The following RXFP2 variants were observed in gnomAD, a reference collection of about 807,000 sequenced individuals.
The protein encoded by RXFP2 is relaxin receptor 2.
In RXFP2, 68 loss-of-function variants were observed where a neutral mutation model predicts 88.6. The observed-to-expected ratio is 0.77, with a 90% CI of 0.63 to 0.94. RXFP2 has a LOEUF of 0.94. RXFP2 is among the 40% of genes least tolerant of loss of function. RXFP2 has a pLI of 0.00. For missense variants in RXFP2, 791 were observed against 893.9 expected, an observed-to-expected ratio of 0.88 and a Z score of 1.47; for synonymous variants, 329 against 306.8, an observed-to-expected ratio of 1.07 and a Z score of -0.76.
At chr13:31,759,726 G>A (rs1174588487) in intron 2 of RXFP2, among the ~76,000 whole-genome samples, 1 of 152,140 alleles carries the variant, frequency 6.6e-6, no homozygotes, top group Non-Finnish European at 1.5e-5. Context: ...AAAGAATCCT[G>A]TGTGTTTTCT....
intron 5 of RXFP2, among the ~76,000 whole-genome samples, chr13:31,768,053 A>C (rs1204662048): frequency 1.3e-5 from 2 of 152,212 alleles, no homozygotes; most frequent in Non-Finnish European, 2.9e-5. Context: ...GAAGAGAAGA[A>C]TATAGAAGCA....
intron 16 of RXFP2, 88 bp downstream of exon 16, chr13:31,793,176 A>G: frequency 8.3e-7 from 1 of 1,201,620 alleles, no homozygotes; most frequent in Non-Finnish European, 1.2e-6. Context: ...TTTGTTTCAG[A>G]AAGTGAGATA....
chr13:31,777,551 T>C (rs994660750), intron 8 of RXFP2, 104 bp downstream of exon 8: 2 of 821,310 alleles, frequency 2.4e-6, no homozygotes, highest in African/African-American at 3.4e-5. Flanking sequence ...CACAAAAATT[T>C]TTATTAGTCA....
intron 9 of RXFP2, among the ~76,000 whole-genome samples, chr13:31,778,956 C>T (rs1456420482): frequency 6.6e-6 from 1 of 152,092 alleles, no homozygotes; most frequent in East Asian, 1.9e-4. Context: ...TGAAAGACAA[C>T]TTAAACCTCA....
At chr13:31,795,223 C>A (rs537536292) in intron 16 of RXFP2, among the ~76,000 whole-genome samples, 1 of 151,702 alleles carries the variant, frequency 6.6e-6, no homozygotes, top group South Asian at 2.1e-4. Flanking sequence ...CATCTCGGCT[C>A]CCTGCAACCT....
chr13:31,786,135 A>C (rs988228550), intron 11 of RXFP2, among the ~76,000 whole-genome samples: 4 of 152,206 alleles, frequency 2.6e-5, no homozygotes, highest in Non-Finnish European at 5.9e-5. Flanking sequence ...CAGGTTGGGA[A>C]TGTGTTTGAG....
intron 9 of RXFP2, among the ~76,000 whole-genome samples, chr13:31,779,907 C>T (rs1279991227): frequency 2.0e-5 from 3 of 152,088 alleles, no homozygotes; most frequent in Non-Finnish European, 4.4e-5. Flanking sequence ...AGAGGTCTCA[C>T]GTAAGTGTGC....
At chr13:31,775,945 C>T (rs1367605897) in intron 7 of RXFP2, among the ~76,000 whole-genome samples, 2 of 152,198 alleles carry the variant, frequency 1.3e-5, no homozygotes, top group African/African-American at 4.8e-5. Context: ...TGCAGGTTGG[C>T]CTGGTCTAGT....
intron 9 of RXFP2, among the ~76,000 whole-genome samples, chr13:31,781,295 T>G (rs1555633): frequency 0.6 from 91,596 of 151,980 alleles, 27,780 homozygotes; most frequent in East Asian, 0.77. Flanking sequence ...TGGATTTCTC[T>G]TATGTTAAAT....
intron 11 of RXFP2, 58 bp from the exon 12 acceptor site, chr13:31,786,325 A>G (rs1873536311): frequency 7.0e-6 from 8 of 1,148,116 alleles, no homozygotes; most frequent in Non-Finnish European, 1.1e-5. Flanking sequence ...TGTGAGGAGT[A>G]ATAAGTCTGT....
chr13:31,797,135 T>G, intron 16 of RXFP2, 66 bp from the exon 17 acceptor site: 1 of 1,133,408 alleles, frequency 8.8e-7, no homozygotes, highest in Non-Finnish European at 1.3e-6. Flanking sequence ...ATACTCAACC[T>G]GTACCACAGT....
chr13:31,799,717 G>C (rs111499260), intron 17 of RXFP2, among the ~76,000 whole-genome samples: 2,420 of 152,246 alleles, frequency 0.016, 29 homozygotes, highest in Non-Finnish European at 0.022. Flanking sequence ...ATTCCTGCCT[G>C]TTTTAATCTT....
At chr13:31,770,482 C>T (rs1246195771) in intron 5 of RXFP2, among the ~76,000 whole-genome samples, 2 of 152,146 alleles carry the variant, frequency 1.3e-5, no homozygotes, top group Admixed American at 1.3e-4. Context: ...CTTTCACTGA[C>T]CTGCCATATA....
At chr13:31,795,151 C>CA (rs1873966493) in intron 16 of RXFP2, among the ~76,000 whole-genome samples, 1 of 151,302 alleles carries the variant, frequency 6.6e-6, no homozygotes, top group African/African-American at 2.4e-5. Context: ...TTAGAGCATA[C>CA]ACTTTTTTTT....
intron 14 of RXFP2, 84 bp downstream of exon 14, chr13:31,789,277 A>G (rs1174034890): frequency 1.1e-6 from 1 of 869,808 alleles, no homozygotes; most frequent in South Asian, 1.3e-5. Flanking sequence ...TATCACTGCA[A>G]TGTGTTTCTA....
intron 1 of RXFP2, among the ~76,000 whole-genome samples, chr13:31,740,846 A>T (rs1275860008): frequency 6.6e-6 from 1 of 152,062 alleles, no homozygotes; most frequent in African/African-American, 2.4e-5. Flanking sequence ...CTCACCTTGC[A>T]TGCAGTACAG....
At chr13:31,758,502 G>C (rs1186392275) in intron 2 of RXFP2, 98 bp downstream of exon 2, 15 of 1,388,594 alleles carry the variant, frequency 1.1e-5, no homozygotes, top group Non-Finnish European at 1.5e-5. Context: ...TAGGAAAGCT[G>C]ATTTGGTGTT....
intron 17 of RXFP2, among the ~76,000 whole-genome samples, chr13:31,800,107 G>A (rs1327058495): frequency 6.6e-6 from 1 of 152,222 alleles, no homozygotes; most frequent in Non-Finnish European, 1.5e-5. Context: ...GATCACAGTT[G>A]ACAAAGCTTC....
At chr13:31,782,616 T>G (rs1037844843) in intron 10 of RXFP2, 60 bp from the exon 11 acceptor site, 1 of 1,252,838 alleles carries the variant, frequency 8.0e-7, no homozygotes, top group African/African-American at 1.5e-5. Context: ...CCTCTCCCAA[T>G]GAGAACTGAT....
Sources: gnomAD v4.1 joint callset for allele counts (sites outside exome capture counted in the v4.1 genomes callset) on GRCh38, gnomAD v4.1.1 for gene constraint, MANE v1.5 for transcripts, NCBI Gene and HGNC (gene_info 2026-07-23, HGNC 2026-07-21) for gene names.